Variants in ADAMTS18 observed in about 807,000 individuals in gnomAD.
ADAMTS18 encodes the protein A disintegrin and metalloproteinase with thrombospondin motifs 18.
Under a neutral mutation model 165.9 loss-of-function variants are expected in ADAMTS18, and 157 were observed. The observed-to-expected ratio is 0.95, with a 90% CI of 0.83 to 1.08. The LOEUF is 1.08. Among genes scored for constraint, ADAMTS18 ranks in the 50% least tolerant of loss-of-function variants. The pLI is 0.00. For missense variants in ADAMTS18, 2,040 were observed against 1,534.0 expected, an observed-to-expected ratio of 1.33 and a Z score of -5.51; for synonymous variants, 782 against 578.2, an observed-to-expected ratio of 1.35 and a Z score of -5.06.
chr16:77,293,211 G>A lies in ADAMTS18; in HGVS notation c.3054C>T (p.Cys1018=). Residue 1018 remains cysteine, a synonymous_variant, in exon 20 of 23, where the codon TGC becomes TGT. Coordinates refer to ENST00000282849, the MANE Select transcript of ADAMTS18 (RefSeq NM_199355.4). ...GRGVRKRELL[C]KGSAAETLPE... ...GGAGGGTTTCTGCGGCAGAGCCCTT[G>A]CAGAGGAGTTCACGCTTCCTCACCC... 1 of 1,613,888 alleles carries A rather than the reference G, an allele frequency of 6.2e-7. No individual in the cohort carries two copies. The highest frequency in any genetic ancestry group is 8.5e-7 in the Non-Finnish European group (1 of 1,179,972).
At chr16:77,327,219 G>A (rs1159869641) in intron 12 of ADAMTS18, among the ~76,000 whole-genome samples, 1 of 152,140 alleles carries the variant, frequency 6.6e-6, no homozygotes, top group South Asian at 2.1e-4. Context: ...TATTTCAATA[G>A]GTTGTTTGGT....
intron 3 of ADAMTS18, among the ~76,000 whole-genome samples, chr16:77,428,872 AT>A (rs2057704783): frequency 6.6e-6 from 1 of 152,240 alleles, no homozygotes; most frequent in African/African-American, 2.4e-5. Context: ...AACTCAATTT[AT>A]ACATACTCTG....
chr16:77,353,549 G>A (rs897017663), intron 10 of ADAMTS18, among the ~76,000 whole-genome samples, 184 bp downstream of exon 10: 10 of 152,148 alleles, frequency 6.6e-5, no homozygotes, highest in Non-Finnish European at 1.5e-4. Flanking sequence ...GGTCTATGTG[G>A]ATAGGCCTGG....
chr16:77,330,557 G>A (rs562152243), intron 12 of ADAMTS18, among the ~76,000 whole-genome samples: 2 of 152,110 alleles, frequency 1.3e-5, no homozygotes, highest in African/African-American at 2.4e-5. Context: ...GTTCTAACCC[G>A]ATTGAGAACA....
chr16:77,392,835 C>T (rs1168280021), intron 3 of ADAMTS18, among the ~76,000 whole-genome samples: 3 of 152,116 alleles, frequency 2.0e-5, no homozygotes, highest in African/African-American at 7.2e-5. Context: ...CTTTCATTTA[C>T]TCTTCAGTTT....
chr16:77,390,190 A>C (rs2057166484), intron 3 of ADAMTS18, among the ~76,000 whole-genome samples: 1 of 152,198 alleles, frequency 6.6e-6, no homozygotes, highest in Non-Finnish European at 1.5e-5. Context: ...GGGTTTCTGC[A>C]AGAAATAACG....
At chr16:77,340,978 T>C (rs1262884168) in intron 11 of ADAMTS18, among the ~76,000 whole-genome samples, 1 of 152,130 alleles carries the variant, frequency 6.6e-6, no homozygotes, top group Non-Finnish European at 1.5e-5. Context: ...CATTATCTCT[T>C]GTCATTCATA....
chr16:77,334,741 A>ACTATAATGTAC (rs2056268674), intron 12 of ADAMTS18, among the ~76,000 whole-genome samples: 1 of 115,016 alleles, frequency 8.7e-6, no homozygotes, highest in Non-Finnish European at 1.7e-5. Flanking sequence ...ACTATAGTAT[A>ACTATAATGTAC]TATACTGTAT....
At chr16:77,292,539 T>G (rs2055383751) in intron 20 of ADAMTS18, among the ~76,000 whole-genome samples, 1 of 152,298 alleles carries the variant, frequency 6.6e-6, no homozygotes, top group African/African-American at 2.4e-5. Context: ...CAAGGGTTCT[T>G]CCCAAAGACC....
At chr16:77,333,964 TA>T (rs2056234787) in intron 12 of ADAMTS18, among the ~76,000 whole-genome samples, 1 of 139,128 alleles carries the variant, frequency 7.2e-6, no homozygotes, top group Non-Finnish European at 1.5e-5. Flanking sequence ...ATACTATATA[TA>T]ATATAGTGTC....
At chr16:77,410,315 A>G (rs1281583727) in intron 3 of ADAMTS18, among the ~76,000 whole-genome samples, 1 of 151,992 alleles carries the variant, frequency 6.6e-6, no homozygotes, top group East Asian at 1.9e-4. Context: ...AAATTCCTAC[A>G]AAGAATCAAA....
At chr16:77,296,289 T>C (rs951985687) in intron 18 of ADAMTS18, among the ~76,000 whole-genome samples, 2 of 152,172 alleles carry the variant, frequency 1.3e-5, no homozygotes, top group Non-Finnish European at 2.9e-5. Context: ...ACAAACTCAC[T>C]GAGCCCCTCC....
At chr16:77,361,449 G>C (rs1371053375) in intron 7 of ADAMTS18, among the ~76,000 whole-genome samples, 15 of 152,218 alleles carry the variant, frequency 9.9e-5, no homozygotes, top group Admixed American at 9.8e-4. Context: ...CTGTTACCTA[G>C]TGGCACAGTT....
In ADAMTS18 at chr16:77,371,820, T is replaced by C. The variant is rs150517420; in HGVS notation, c.496-4097A>G. ...TCTGTACAAGAAAGGAAACAATCAA[T>C]AGACTAAGGAGACAACCCACAGATG... On this transcript the variant is annotated intron_variant, in intron 3 of 22. Transcript: ENST00000282849. 4.4e-3 allele frequency among the ~76,000 whole-genome samples: 667 copies of C among 152,124 alleles called. 8 individuals carry two copies. The highest frequency in any genetic ancestry group is 0.014 in the African/African-American group (579 of 41,506).
intron 20 of ADAMTS18, among the ~76,000 whole-genome samples, chr16:77,292,595 T>G (rs1377639515): frequency 6.6e-6 from 1 of 152,230 alleles, no homozygotes; most frequent in Non-Finnish European, 1.5e-5. Context: ...CAGACTTCTA[T>G]CAAGTCACTT....
At chr16:77,369,735 C>T (rs1024653115) in intron 3 of ADAMTS18, among the ~76,000 whole-genome samples, 1 of 152,168 alleles carries the variant, frequency 6.6e-6, no homozygotes, top group African/African-American at 2.4e-5. Flanking sequence ...GTTTTCCAAA[C>T]TCATTCTACA....
intron 16 of ADAMTS18, among the ~76,000 whole-genome samples, chr16:77,305,550 T>A (rs1227044294): frequency 6.6e-6 from 1 of 152,208 alleles, no homozygotes; most frequent in Non-Finnish European, 1.5e-5. Context: ...GCAGGTCCCA[T>A]GCCCATGAAG....
intron 16 of ADAMTS18, among the ~76,000 whole-genome samples, chr16:77,302,877 G>GAA (rs377571482): frequency 3.3e-5 from 5 of 150,794 alleles, no homozygotes; most frequent in African/African-American, 1.2e-4. Flanking sequence ...ATGTGTTCAA[G>GAA]AAAAAAAAAT....
intron 8 of ADAMTS18, among the ~76,000 whole-genome samples, chr16:77,357,913 T>C (rs949919131): frequency 2.0e-5 from 3 of 152,340 alleles, no homozygotes; most frequent in African/African-American, 7.2e-5. Context: ...TTTCCTTATC[T>C]AAAATGTTGG....
Sources: allele counts gnomAD v4.1 joint callset (sites outside exome capture counted in the v4.1 genomes callset), GRCh38; gene constraint gnomAD v4.1.1; transcripts MANE v1.5; gene names NCBI Gene and HGNC (gene_info 2026-07-23, HGNC 2026-07-21).